KCNK2: variants seen among roughly 807,000 people sequenced by gnomAD.
The protein encoded by KCNK2 is potassium two pore domain channel subfamily K member 2, also known as potassium channel subfamily K member 2.
A neutral mutation model predicts 40.5 loss-of-function variants in KCNK2; 21 were observed. The observed-to-expected ratio is 0.52, with a 90% CI of 0.37 to 0.75. The LOEUF (loss-of-function observed/expected upper bound fraction) is 0.75, where lower values mean the gene tolerates loss of function less well. Among genes scored for constraint, KCNK2 ranks in the 30% least tolerant of loss-of-function variants. The probability of loss-of-function intolerance (pLI) is 0.00; values close to 1 mark genes in which losing one functional copy is unlikely to be tolerated. For synonymous variants in KCNK2, 191 were observed against 202.2 expected (o/e 0.94, Z 0.47); for missense variants, 399 against 531.6 (o/e 0.75, Z 2.45).
At chr1:215,209,361 A>C in intron 6 of KCNK2, among the ~76,000 whole-genome samples, 1 of 62,368 alleles carries the variant, frequency 1.6e-5, no homozygotes, top group Non-Finnish European at 2.9e-5. Context: ...TATATATAAT[A>C]TATGCATATA....
intron 5 of KCNK2, among the ~76,000 whole-genome samples, chr1:215,191,998 A>C (rs909322790): frequency 6.6e-6 from 1 of 152,220 alleles, no homozygotes; most frequent in Non-Finnish European, 1.5e-5. Flanking sequence ...AGCCAGAGAC[A>C]AATAGGTAGG....
chr1:215,191,888 G>A (rs555585989), intron 5 of KCNK2, among the ~76,000 whole-genome samples: 3 of 152,090 alleles, frequency 2.0e-5, no homozygotes. Context: ...CTGCATCTCA[G>A]AAGTCTGTGG....
At chr1:215,083,600 G>T in intron 1 of KCNK2, 169 bp downstream of exon 1, 2 of 624,584 alleles carry the variant, frequency 3.2e-6, no homozygotes, top group Middle Eastern at 4.3e-4. Flanking sequence ...ACCCTTGCCA[G>T]ATCCTCTCCA....
In KCNK2 at chr1:215,173,290, G is replaced by T. The variant is rs899593060; in HGVS notation, c.823+1107G>T. Among the ~76,000 whole-genome samples, 3 of 152,122 alleles carry T rather than the reference G, an allele frequency of 2.0e-5. No individual in the cohort carries two copies. The South Asian group carries it at 6.2e-4, about 32-fold the overall frequency. The stretch of plus-strand genomic sequence containing the variant: ...CAGCTTCATCCATGTCCCTACAAAG[G>T]ACATGAACTCATCCTCTTTTATGGC... On this transcript the variant is annotated intron_variant, in intron 5 of 6. Coordinates refer to ENST00000444842, the MANE Select transcript of KCNK2 (RefSeq NM_001017425.3).
chr1:215,225,350 G>T (rs1038890040), intron 6 of KCNK2, among the ~76,000 whole-genome samples: 2 of 152,098 alleles, frequency 1.3e-5, no homozygotes, highest in African/African-American at 4.8e-5. Flanking sequence ...TTAGCCTCAA[G>T]ATTATGCTAT....
At chr1:215,228,404 T>G (rs371329656) in intron 6 of KCNK2, among the ~76,000 whole-genome samples, 1 of 152,190 alleles carries the variant, frequency 6.6e-6, no homozygotes, top group Non-Finnish European at 1.5e-5. Flanking sequence ...ACAGTTCCAG[T>G]AGAGTCGGAG....
chr1:215,021,837 C>G (rs1656807041), intron 1 of KCNK2, among the ~76,000 whole-genome samples: 1 of 152,172 alleles, frequency 6.6e-6, no homozygotes, highest in Admixed American at 6.5e-5. Flanking sequence ...GCGTGAGCCA[C>G]TGCGCCCGGC....
intron 6 of KCNK2, among the ~76,000 whole-genome samples, chr1:215,213,861 GTGT>G (rs1432057668): frequency 6.6e-6 from 1 of 152,024 alleles, no homozygotes; most frequent in African/African-American, 2.4e-5. Context: ...TAAGTAAAAA[GTGT>G]TGTCTCAAAA....
intron 3 of KCNK2, among the ~76,000 whole-genome samples, chr1:215,134,516 C>T (rs1661814410): frequency 6.6e-6 from 1 of 152,176 alleles, no homozygotes; most frequent in Non-Finnish European, 1.5e-5. Context: ...TCTGCAACCC[C>T]AAAGCTCTCC....
chr1:215,054,785 A>G (rs1658101715), intron 1 of KCNK2, among the ~76,000 whole-genome samples: 1 of 152,206 alleles, frequency 6.6e-6, no homozygotes, highest in African/African-American at 2.4e-5. Flanking sequence ...ACACAAACCA[A>G]TCAAGGCTTG....
chr1:215,219,281 C>T (rs1398009304), intron 6 of KCNK2, among the ~76,000 whole-genome samples: 5 of 152,150 alleles, frequency 3.3e-5, no homozygotes, highest in Non-Finnish European at 7.4e-5. Flanking sequence ...GAGCACTGGC[C>T]TTCATATATG....
At chr1:215,223,930 G>T (rs1321802069) in intron 6 of KCNK2, among the ~76,000 whole-genome samples, 3 of 152,070 alleles carry the variant, frequency 2.0e-5, no homozygotes, top group Non-Finnish European at 2.9e-5. Context: ...GTATGGAAAG[G>T]CATGGAAGTG....
chr1:215,039,905 G>A (rs1413471129), intron 1 of KCNK2, among the ~76,000 whole-genome samples: 4 of 152,078 alleles, frequency 2.6e-5, no homozygotes, highest in African/African-American at 9.7e-5. Flanking sequence ...GTTGCCTTCC[G>A]GGAGAGTGGA....
intron 1 of KCNK2, among the ~76,000 whole-genome samples, chr1:215,022,086 A>G (rs1331360377): frequency 2.1e-5 from 1 of 47,732 alleles, no homozygotes; most frequent in African/African-American, 6.1e-5. Context: ...ATGTGAGCCA[A>G]TTGCCACAAT....
intron 5 of KCNK2, among the ~76,000 whole-genome samples, chr1:215,176,119 G>A (rs1275637843): frequency 1.3e-5 from 2 of 152,202 alleles, no homozygotes; most frequent in African/African-American, 2.4e-5. Context: ...CCGTCAGTGT[G>A]TAAGCATTCT....
chr1:215,158,856 GTGA>G (rs1663063304), intron 3 of KCNK2, among the ~76,000 whole-genome samples: 4 of 152,158 alleles, frequency 2.6e-5, no homozygotes, highest in African/African-American at 9.7e-5. Context: ...GAGATAATCA[GTGA>G]ACCCATGTCA....
intron 3 of KCNK2, among the ~76,000 whole-genome samples, chr1:215,146,249 G>A (rs1304378246): frequency 6.6e-6 from 1 of 152,114 alleles, no homozygotes; most frequent in Non-Finnish European, 1.5e-5. Flanking sequence ...AAATTTCTTT[G>A]CAAAGGAATA....
intron 2 of KCNK2, among the ~76,000 whole-genome samples, chr1:215,115,806 A>T (rs1660910274): frequency 6.6e-6 from 1 of 151,412 alleles, no homozygotes; most frequent in African/African-American, 2.4e-5. Context: ...ATAGACAAAG[A>T]TTAATGGTCC....
chr1:215,066,353 T>C (rs1236266761), intron 1 of KCNK2, among the ~76,000 whole-genome samples: 2 of 152,200 alleles, frequency 1.3e-5, no homozygotes, highest in Non-Finnish European at 2.9e-5. Context: ...ATGATATAAC[T>C]GTTTAAAAGT....
Sources: allele counts gnomAD v4.1 joint callset (sites outside exome capture counted in the v4.1 genomes callset), GRCh38; gene constraint gnomAD v4.1.1; transcripts MANE v1.5; gene names NCBI Gene and HGNC (gene_info 2026-07-23, HGNC 2026-07-21).